The following RERE variants were observed in gnomAD, a reference collection of about 807,000 sequenced individuals.
The protein encoded by RERE is arginine-glutamic acid dipeptide repeats protein.
Under a neutral mutation model 146.1 loss-of-function variants are expected in RERE, and 40 were observed. That is an observed-to-expected ratio of 0.27 (90% CI 0.21 to 0.36). The LOEUF (loss-of-function observed/expected upper bound fraction) is 0.36, where lower values mean the gene tolerates loss of function less well. RERE is among the 10% of genes least tolerant of loss of function. The probability of loss-of-function intolerance (pLI) is 1.00; values close to 1 mark genes in which losing one functional copy is unlikely to be tolerated. For missense variants in RERE, 1,933 were observed against 2,138.7 expected (o/e 0.90, Z 1.90); for synonymous variants, 1,003 against 866.0 (o/e 1.16, Z -2.78).
At chr1:8,629,315 A>C (rs1647008766) in intron 2 of RERE, among the ~76,000 whole-genome samples, 1 of 152,224 alleles carries the variant, frequency 6.6e-6, no homozygotes, top group Admixed American at 6.5e-5. Flanking sequence ...CCTTGTGAAC[A>C]GGGAGCAACA....
intron 4 of RERE, among the ~76,000 whole-genome samples, chr1:8,568,915 T>C (rs1366943327): frequency 2.0e-5 from 3 of 152,196 alleles, no homozygotes; most frequent in African/African-American, 4.8e-5. Context: ...CCCTGACTAA[T>C]ACACTGACAA....
intron 4 of RERE, among the ~76,000 whole-genome samples, chr1:8,580,236 A>T (rs576104261): frequency 9.2e-5 from 14 of 152,344 alleles, no homozygotes; most frequent in Middle Eastern, 6.8e-3. Context: ...CATTACTATA[A>T]GCTATCATTA....
chr1:8,736,464 C>T (rs1199311772), intron 1 of RERE, among the ~76,000 whole-genome samples: 3 of 152,222 alleles, frequency 2.0e-5, no homozygotes, highest in Admixed American at 2.0e-4. Context: ...ACCTCGGCCT[C>T]CCAAAGTGCT....
At chr1:8,396,031 C>T (rs1165079663) in intron 12 of RERE, among the ~76,000 whole-genome samples, 1 of 152,184 alleles carries the variant, frequency 6.6e-6, no homozygotes, top group African/African-American at 2.4e-5. Flanking sequence ...TGAATGGATT[C>T]CAGAGAAAGA....
At chr1:8,530,679 CTTTTT>C (rs1197212764) in intron 7 of RERE, among the ~76,000 whole-genome samples, 65 of 96,932 alleles carry the variant, frequency 6.7e-4, no homozygotes, top group African/African-American at 1.9e-3. Flanking sequence ...TTTTCGTTTT[CTTTTT>C]TTTTTTTTTT....
intron 1 of RERE, among the ~76,000 whole-genome samples, chr1:8,709,015 C>T (rs1228410036): frequency 6.7e-6 from 1 of 149,024 alleles, no homozygotes; most frequent in Non-Finnish European, 1.5e-5. Flanking sequence ...TGGGTTCACG[C>T]CATTCTTCTG....
In RERE at chr1:8,358,838, C is replaced by T. The variant is rs766806549; in HGVS notation, c.3697G>A (p.Glu1233Lys). Residue 1233 changes from glutamate to lysine, a missense_variant, in exon 20 of 23, where the codon GAG (glutamate) becomes AAG (lysine). This residue lies in a region of RERE where 1,255 missense variants were observed against 1,153.8 expected (regional missense o/e 1.09). Transcript: ENST00000400908. ...GCAGCAATGGTGGTTGGTGGTGGCT[C>T]GAAGGATGGCCGCATGTGGCCAGGA... is the stretch of plus-strand genomic sequence containing the variant. ...SGPGHMRPSF[E>K]PPPTTIAAVP... The T allele has an allele frequency of 1.4e-5, 22 of 1,606,790 alleles. No homozygotes were observed. Among genetic ancestry groups the T allele is most frequent in the Admixed American group, 1.7e-5 (1 of 59,500 alleles).
Position 8,614,595 on chromosome 1 carries a change from T to G in RERE, c.488A>C (p.Gln163Pro), listed in dbSNP as rs1570515502. Residue 163 changes from glutamine (Q) to proline (P), a missense_variant, in exon 4 of 23, where the codon CAG (glutamine) becomes CCG (proline). By Grantham distance (76) the Gln-to-Pro change is moderately conservative (BLOSUM62 -1). This residue lies in a region of RERE where 74 missense variants were observed against 99.6 expected (regional missense o/e 0.74). Coordinates refer to ENST00000400908, the MANE Select transcript of RERE (RefSeq NM_001042681.2). ...CSLPVASQPP[Q>P]HLSEAGRGPV... ...CCCTCTCCCGGCTTCAGAAAGATGC[T>G]GTGGTGGCTGTGATGCCACCGGCAG... 6.2e-7 allele frequency: 1 copy of G among 1,613,290 alleles called. No homozygotes were observed. Among genetic ancestry groups the G allele is most frequent in the African/African-American group, 1.3e-5 (1 of 75,018 alleles).
chr1:8,721,891 A>G (rs1639871451), intron 1 of RERE, among the ~76,000 whole-genome samples: 1 of 152,240 alleles, frequency 6.6e-6, no homozygotes, highest in Admixed American at 6.5e-5. Context: ...CACGGAGCTG[A>G]ACAGTCAGCT....
At chr1:8,808,683 T>C (rs112993462) in intron 1 of RERE, among the ~76,000 whole-genome samples, 1 of 151,444 alleles carries the variant, frequency 6.6e-6, no homozygotes, top group African/African-American at 2.5e-5. Flanking sequence ...TTTTCTGCAA[T>C]AGCATAATAG....
intron 1 of RERE, among the ~76,000 whole-genome samples, chr1:8,754,641 G>C (rs1323824125): frequency 6.6e-6 from 1 of 152,170 alleles, no homozygotes; most frequent in East Asian, 1.9e-4. Context: ...CACTCATGGG[G>C]AAAGAATCTA....
chr1:8,585,053 TAGG>T (rs1646410605), intron 4 of RERE, among the ~76,000 whole-genome samples: 1 of 148,834 alleles, frequency 6.7e-6, no homozygotes, highest in Non-Finnish European at 1.5e-5. Flanking sequence ...GAGGCTGAGG[TAGG>T]AGGATCACTT....
chr1:8,770,143 C>G (rs1196641607), intron 1 of RERE, among the ~76,000 whole-genome samples: 1 of 152,130 alleles, frequency 6.6e-6, no homozygotes, highest in Non-Finnish European at 1.5e-5. Flanking sequence ...TAAAACAAAG[C>G]TTGAAACAAC....
chr1:8,805,008 G>GTTTTTTTTTTTTTTTTTTTTTTT, intron 1 of RERE, among the ~76,000 whole-genome samples: 1 of 77,836 alleles, frequency 1.3e-5, no homozygotes, highest in South Asian at 4.1e-4. Flanking sequence ...TTTGTTTTTG[G>GTTTTTTTTTTTTTTTTTTTTTTT]TTTTTTTTTT....
chr1:8,707,217 A>G (rs1186464329), intron 1 of RERE, among the ~76,000 whole-genome samples: 1 of 152,252 alleles, frequency 6.6e-6, no homozygotes, highest in Non-Finnish European at 1.5e-5. Context: ...AAAGCACTCT[A>G]TATTCTACAG....
At chr1:8,556,400 C>G (rs1646007187) in intron 6 of RERE, 75 bp downstream of exon 6, 2 of 863,766 alleles carry the variant, frequency 2.3e-6, no homozygotes, top group Non-Finnish European at 4.0e-6. Flanking sequence ...ACTAAAAGAT[C>G]AGGAGAAATT....
At chr1:8,633,196 G>A (rs895708284) in intron 2 of RERE, among the ~76,000 whole-genome samples, 1 of 152,132 alleles carries the variant, frequency 6.6e-6, no homozygotes, top group Admixed American at 6.5e-5. Flanking sequence ...GAGGCAGGAG[G>A]ATCACTTCAG....
intron 2 of RERE, among the ~76,000 whole-genome samples, chr1:8,642,414 TAAGG>T (rs948054959): frequency 1.3e-5 from 2 of 152,224 alleles, no homozygotes; most frequent in African/African-American, 4.8e-5. Context: ...AGATGAAACC[TAAGG>T]AAGTTTATGC....
intron 8 of RERE, among the ~76,000 whole-genome samples, chr1:8,500,221 G>T (rs575185454): frequency 6.6e-6 from 1 of 152,162 alleles, no homozygotes; most frequent in Non-Finnish European, 1.5e-5. Context: ...CCCCAGCACC[G>T]AGTACAGTAC....
Sources: gnomAD v4.1 joint callset for allele counts (sites outside exome capture counted in the v4.1 genomes callset) on GRCh38, gnomAD v4.1.1 for gene constraint, gnomAD v4.1.1 regional missense constraint, MANE v1.5 for transcripts, NCBI Gene and HGNC (gene_info 2026-07-23, HGNC 2026-07-21) for gene names.